Variants in CDH18 observed in about 807,000 individuals in gnomAD.
CDH18 encodes cadherin-18.
A neutral mutation model predicts 67.9 loss-of-function variants in CDH18; 31 were observed. The ratio of observed to expected loss-of-function variants is 0.46; its 90% confidence interval spans 0.34 to 0.62. The LOEUF is 0.62. CDH18 is among the 20% of genes least tolerant of loss of function. CDH18 has a pLI of 0.01. For missense variants in CDH18, 890 were observed against 975.5 expected (o/e 0.91, Z 1.17); for synonymous variants, 362 against 347.2 (o/e 1.04, Z -0.48).
intron 8 of CDH18, among the ~76,000 whole-genome samples, chr5:19,550,397 A>G (rs555386778): frequency 1.7e-3 from 256 of 151,938 alleles, no homozygotes; most frequent in African/African-American, 5.8e-3. Flanking sequence ...ATATCTCCCA[A>G]TGCTATCCCT....
chr5:19,959,533 A>G (rs1796589301), intron 2 of CDH18, among the ~76,000 whole-genome samples: 1 of 152,100 alleles, frequency 6.6e-6, no homozygotes, highest in Non-Finnish European at 1.5e-5. Flanking sequence ...ACTTCTGCTT[A>G]TAACATTCTA....
In CDH18 at chr5:19,641,142, CAA is replaced by C. The variant is rs3062887; in HGVS notation, c.644-28543_644-28542del. On this transcript the variant is annotated intron_variant, in intron 5 of 12. Coordinates refer to ENST00000382275, the MANE Select transcript of CDH18 (RefSeq NM_004934.5). ...TACAACTTACCGAATCTAAATTTTT[CAA>C]AAAAAAAAAAAAAGCCAGAATTGAT... is the stretch of plus-strand genomic sequence containing the variant. Among the ~76,000 whole-genome samples the C allele has an allele frequency of 4.0e-3, 448 of 112,352 alleles. 1 individual carries two copies. The highest frequency in any genetic ancestry group is 0.012 in the African/African-American group (331 of 28,714). The allele number at this position is 112,352 out of a possible 152,430, so 73.7% of individuals were successfully genotyped here.
At chr5:20,452,194 A>C (rs936381856) in intron 1 of CDH18, among the ~76,000 whole-genome samples, 7 of 152,196 alleles carry the variant, frequency 4.6e-5, no homozygotes, top group African/African-American at 1.7e-4. Context: ...CAAAATATAA[A>C]TCTGTTTCCA....
intron 1 of CDH18, among the ~76,000 whole-genome samples, chr5:20,488,471 G>C (rs1453529728): frequency 6.6e-6 from 1 of 151,916 alleles, no homozygotes; most frequent in Non-Finnish European, 1.5e-5. Flanking sequence ...TAGGACAAAG[G>C]ATAGTATAAA....
chr5:20,242,601 A>ATATATATAT (rs1454331020), intron 2 of CDH18, among the ~76,000 whole-genome samples: 596 of 55,752 alleles, frequency 0.011, 71 homozygotes, highest in African/African-American at 0.053. Context: ...TGAGGGAAAA[A>ATATATATAT]AAAAAAAAAA....
chr5:20,157,887 T>A (rs377140388), intron 2 of CDH18, among the ~76,000 whole-genome samples: 7 of 152,024 alleles, frequency 4.6e-5, no homozygotes, highest in East Asian at 3.9e-4. Context: ...TGATCTGCCC[T>A]CCTTGGCCTC....
intron 2 of CDH18, among the ~76,000 whole-genome samples, chr5:19,964,128 A>C (rs750023877): frequency 3.1e-4 from 47 of 152,168 alleles, no homozygotes; most frequent in Non-Finnish European, 3.8e-4. Context: ...ATTTTTAAAA[A>C]TGTTTATGAA....
At chr5:20,545,130 A>C (rs1320294211) in intron 1 of CDH18, among the ~76,000 whole-genome samples, 2 of 152,214 alleles carry the variant, frequency 1.3e-5, no homozygotes, top group East Asian at 3.9e-4. Flanking sequence ...CACATCCAGG[A>C]AATGCTGGTG....
At chr5:19,922,159 A>C (rs1792555174) in intron 2 of CDH18, among the ~76,000 whole-genome samples, 1 of 152,170 alleles carries the variant, frequency 6.6e-6, no homozygotes, top group Non-Finnish European at 1.5e-5. Context: ...AAGGAGACTG[A>C]ATTTTTTCAT....
intron 1 of CDH18, among the ~76,000 whole-genome samples, chr5:20,531,893 T>A (rs1175350212): frequency 6.6e-6 from 1 of 151,974 alleles, no homozygotes; most frequent in Non-Finnish European, 1.5e-5. Context: ...ATAAAAATAA[T>A]AAAATTAAAA....
At chr5:20,025,997 C>T (rs1738861998) in intron 2 of CDH18, among the ~76,000 whole-genome samples, 1 of 152,214 alleles carries the variant, frequency 6.6e-6, no homozygotes, top group African/African-American at 2.4e-5. Flanking sequence ...AATCATTCCC[C>T]TCATACAAAA....
intron 1 of CDH18, among the ~76,000 whole-genome samples, chr5:20,315,215 T>C (rs1737355791): frequency 6.6e-6 from 1 of 152,094 alleles, no homozygotes. Context: ...TCATAATTTG[T>C]TTCTTTCTGT....
rs139208925 is a variant in CDH18, at chr5:19,994,970, G to T, written c.-517-2956C>A. ...GCCTGCAAGCTGGAGGCCTAGGAAAGCTGCTGGTGTATTTCCAGTCCAAAC... is the reference window on the plus strand; with the variant it reads ...GCCTGCAAGCTGGAGGCCTAGGAAATCTGCTGGTGTATTTCCAGTCCAAAC... On this transcript the variant is annotated intron_variant, in intron 2 of 14. Transcript: ENST00000507958. Among the ~76,000 whole-genome samples, 212 of 150,406 alleles carry T rather than the reference G, an allele frequency of 1.4e-3. 2 individuals are homozygous for T. The highest frequency in any genetic ancestry group is 4.5e-3 in the African/African-American group (183 of 40,916).
In CDH18 at chr5:20,061,163, A is replaced by G. The variant is rs371432499; in HGVS notation, c.-517-69149T>C. ...TGAAAATTTTAGAAAAGATTTACCTATATATCTCCCACAATACCATTTCTC... is the reference window on the plus strand; with the variant it reads ...TGAAAATTTTAGAAAAGATTTACCTGTATATCTCCCACAATACCATTTCTC... On this transcript the variant is annotated intron_variant, in intron 2 of 14. Coordinates refer to the CDH18 transcript ENST00000507958. Among the ~76,000 whole-genome samples the G allele has an allele frequency of 6.9e-4, 105 of 152,198 alleles. 1 individual carries two copies. In the South Asian group the frequency reaches 0.019, roughly 27 times the overall value.
chr5:20,329,972 A>C (rs1478153122), intron 1 of CDH18, among the ~76,000 whole-genome samples: 4 of 152,042 alleles, frequency 2.6e-5, no homozygotes, highest in Non-Finnish European at 5.9e-5. Context: ...TTTTTCCTAG[A>C]GAGAAGTCTT....
chr5:20,487,878 G>A (rs1275684471), intron 1 of CDH18, among the ~76,000 whole-genome samples: 1 of 151,976 alleles, frequency 6.6e-6, no homozygotes, highest in Non-Finnish European at 1.5e-5. Context: ...AATTAGCCAT[G>A]TTTAATTTTC....
intron 1 of CDH18, among the ~76,000 whole-genome samples, chr5:20,472,273 G>A (rs1461174975): frequency 6.6e-6 from 1 of 152,076 alleles, no homozygotes; most frequent in Non-Finnish European, 1.5e-5. Flanking sequence ...TGAATGATTA[G>A]GAATAGGTTT....
intron 1 of CDH18, among the ~76,000 whole-genome samples, chr5:20,555,334 A>G (rs989909426): frequency 4.3e-5 from 6 of 140,758 alleles, no homozygotes; most frequent in Non-Finnish European, 9.3e-5. Flanking sequence ...TCTGTTGTTT[A>G]AGTCACCCAA....
chr5:19,905,631 A>AT lies in CDH18; in HGVS notation c.-256-66390dup, dbSNP rs1178150404. On this transcript the variant is annotated intron_variant, in intron 2 of 12. Coordinates refer to ENST00000382275, the MANE Select transcript of CDH18 (RefSeq NM_004934.5). ...AGCTAAAAAATATGATGATAATATT[A>AT]TTTTTTTACCTATATATACTTGTTT... 2.6e-5 allele frequency among the ~76,000 whole-genome samples: 4 copies of AT among 152,010 alleles called. No homozygotes were observed. The East Asian group carries it at 5.8e-4, about 22-fold the overall frequency.
Sources: gnomAD v4.1 joint callset for allele counts (sites outside exome capture counted in the v4.1 genomes callset) on GRCh38, gnomAD v4.1.1 for gene constraint, MANE v1.5 for transcripts, NCBI Gene and HGNC (gene_info 2026-07-23, HGNC 2026-07-21) for gene names.